COL8A1: variants seen among roughly 807,000 people sequenced by gnomAD.
COL8A1 encodes collagen type VIII alpha 1 chain.
In COL8A1, 21 loss-of-function variants were observed where a neutral mutation model predicts 42.7. The ratio of observed to expected loss-of-function variants is 0.49; its 90% CI spans 0.35 to 0.71. The LOEUF (loss-of-function observed/expected upper bound fraction) is 0.71, where lower values mean the gene tolerates loss of function less well. Among genes scored for constraint, COL8A1 ranks in the 30% least tolerant of loss-of-function variants. The pLI is 0.01. For missense variants in COL8A1, 788 were observed against 962.4 expected (o/e 0.82, Z 2.40); for synonymous variants, 367 against 369.1 (o/e 0.99, Z 0.06).
intron 1 of COL8A1, among the ~76,000 whole-genome samples, chr3:99,664,069 A>C (rs1217999516): frequency 6.6e-6 from 1 of 152,222 alleles, no homozygotes; most frequent in African/African-American, 2.4e-5. Flanking sequence ...CACTGAGTCT[A>C]TCCATGGGAC....
chr3:99,686,265 A>G lies in COL8A1; in HGVS notation c.-129+47601A>G, dbSNP rs1433466762. ...TTAATATAATTTACTACAATACACT[A>G]TGTAATACTAATGATACATTTCATT... On this transcript the variant is annotated intron_variant, in intron 1 of 3. Transcript: ENST00000652472. Among the ~76,000 whole-genome samples, 11 of 152,370 alleles carry G rather than the reference A, an allele frequency of 7.2e-5. No individual in the cohort carries two copies. The South Asian group carries it at 1.2e-3, about 17-fold the overall frequency.
intron 1 of COL8A1, among the ~76,000 whole-genome samples, chr3:99,716,330 C>G (rs13060898): frequency 0.12 from 18,062 of 151,966 alleles, 1,294 homozygotes; most frequent in African/African-American, 0.18. Context: ...GCCTATGAAA[C>G]CTCACCCATC....
In COL8A1 at chr3:99,796,150, A is replaced by G. The variant is rs746969983; in HGVS notation, c.*14A>G. 6.9e-6 allele frequency: 10 copies of G among 1,455,124 alleles called. No homozygotes were observed. The highest frequency in any genetic ancestry group is 7.3e-6 in the Non-Finnish European group (8 of 1,099,084). The allele number at this position is 1,455,124 out of a possible 1,614,324, so 90.1% of individuals were successfully genotyped here. On this transcript the variant is annotated 3_prime_UTR_variant, in exon 4 of 4. Transcript: ENST00000652472. ...TATCCCATGTAAAAACAAAAAAACA[A>G]AAAACAAAGAAAAGAAAGAGATTTT...
intron 1 of COL8A1, among the ~76,000 whole-genome samples, chr3:99,642,647 G>C (rs1453313836): frequency 1.3e-5 from 2 of 152,108 alleles, no homozygotes; most frequent in African/African-American, 4.8e-5. Flanking sequence ...AAACCTTTCA[G>C]GATGTGCAGA....
At chr3:99,665,357 G>A (rs1020921690) in intron 1 of COL8A1, among the ~76,000 whole-genome samples, 1 of 152,216 alleles carries the variant, frequency 6.6e-6, no homozygotes, top group African/African-American at 2.4e-5. Context: ...CCATCTTTAT[G>A]TCCTTTCTCA....
intron 1 of COL8A1, among the ~76,000 whole-genome samples, chr3:99,696,270 A>G (rs2107340422): frequency 6.6e-6 from 1 of 152,352 alleles, no homozygotes; most frequent in South Asian, 2.1e-4. Context: ...GAGTGAAGAT[A>G]TCAAAAGTTT....
At chr3:99,718,408 C>A (rs937113883) in intron 1 of COL8A1, among the ~76,000 whole-genome samples, 1 of 152,100 alleles carries the variant, frequency 6.6e-6, no homozygotes, top group Admixed American at 6.6e-5. Context: ...TTTCTCCAAC[C>A]ATTCTTAGTT....
At chr3:99,664,004 A>G (rs1039472260) in intron 1 of COL8A1, among the ~76,000 whole-genome samples, 5 of 152,180 alleles carry the variant, frequency 3.3e-5, no homozygotes, top group Non-Finnish European at 1.5e-5. Context: ...GAGTTCCAAC[A>G]CAAAAGGCCT....
At chr3:99,723,456 CA>C (rs1450103814) in intron 1 of COL8A1, among the ~76,000 whole-genome samples, 1 of 151,866 alleles carries the variant, frequency 6.6e-6, no homozygotes, top group Non-Finnish European at 1.5e-5. Flanking sequence ...CCCCTTAAAA[CA>C]AAAACAAAAA....
chr3:99,785,030 T>C (rs1941865919), intron 2 of COL8A1, among the ~76,000 whole-genome samples: 1 of 152,194 alleles, frequency 6.6e-6, no homozygotes, highest in Non-Finnish European at 1.5e-5. Context: ...AGTTTTGGGA[T>C]TCATTTTCTC....
intron 1 of COL8A1, chr3:99,677,720 C>T (rs1340263642): frequency 1.3e-5 from 2 of 152,100 alleles, no homozygotes; most frequent in Non-Finnish European, 1.5e-5. Flanking sequence ...GACTTCAGGG[C>T]CAACTTGAAA....
chr3:99,740,927 A>T (rs1006553947), intron 1 of COL8A1, among the ~76,000 whole-genome samples: 1 of 152,196 alleles, frequency 6.6e-6, no homozygotes, highest in Non-Finnish European at 1.5e-5. Context: ...CTTTACTCCT[A>T]TAAATAGAAC....
At chr3:99,642,427 C>T (rs1029206615) in intron 1 of COL8A1, among the ~76,000 whole-genome samples, 1 of 152,052 alleles carries the variant, frequency 6.6e-6, no homozygotes, top group Non-Finnish European at 1.5e-5. Context: ...AAAAAGTGTT[C>T]ACCAAAACTG....
chr3:99,773,034 A>G (rs974285328), intron 2 of COL8A1, among the ~76,000 whole-genome samples: 3 of 152,110 alleles, frequency 2.0e-5, no homozygotes, highest in African/African-American at 7.2e-5. Flanking sequence ...TTGGGCCCTC[A>G]TTTCCTTGTC....
chr3:99,650,675 C>G (rs144270487), intron 1 of COL8A1, among the ~76,000 whole-genome samples: 5 of 152,138 alleles, frequency 3.3e-5, no homozygotes, highest in Admixed American at 6.5e-5. Flanking sequence ...CTAAGGTGCT[C>G]TCCCCACCTC....
intron 2 of COL8A1, among the ~76,000 whole-genome samples, chr3:99,778,737 C>T (rs1359647566): frequency 6.6e-6 from 1 of 151,990 alleles, no homozygotes; most frequent in Non-Finnish European, 1.5e-5. Flanking sequence ...AGAATGAAAA[C>T]AGTAGGCATG....
intron 1 of COL8A1, among the ~76,000 whole-genome samples, chr3:99,705,151 A>G (rs532109646): frequency 6.6e-6 from 1 of 152,326 alleles, no homozygotes; most frequent in Admixed American, 6.5e-5. Flanking sequence ...AAAACAAAGT[A>G]ATGGTAGAGT....
At chr3:99,691,547 T>G (rs957018904) in intron 1 of COL8A1, 1 of 152,062 alleles carries the variant, frequency 6.6e-6, no homozygotes. Context: ...CCCCAGAATC[T>G]GCCTTTTTAT....
At chr3:99,644,665 A>C (rs1288136992) in intron 1 of COL8A1, among the ~76,000 whole-genome samples, 1 of 152,264 alleles carries the variant, frequency 6.6e-6, no homozygotes, top group Non-Finnish European at 1.5e-5. Flanking sequence ...CATTCTTTTA[A>C]GTAAGTCTTT....
Sources: gnomAD v4.1 joint callset for allele counts (sites outside exome capture counted in the v4.1 genomes callset) on GRCh38, gnomAD v4.1.1 for gene constraint, MANE v1.5 for transcripts, NCBI Gene and HGNC (gene_info 2026-07-23, HGNC 2026-07-21) for gene names.